Variants in BMPR1B observed in about 807,000 individuals in gnomAD.
BMPR1B encodes bone morphogenetic protein receptor type 1B.
BMPR1B carries 12 observed loss-of-function variants against 59.1 expected under a neutral mutation model. The ratio of observed to expected loss-of-function variants is 0.20; its 90% CI spans 0.13 to 0.33. BMPR1B has a LOEUF of 0.33. BMPR1B is among the 10% of genes least tolerant of loss of function. The probability of loss-of-function intolerance (pLI) is 1.00; values close to 1 mark genes in which losing one functional copy is unlikely to be tolerated. For missense variants in BMPR1B, 550 were observed against 610.9 expected (o/e 0.90, Z 1.05); for synonymous variants, 237 against 207.3 (o/e 1.14, Z -1.23).
intron 1 of BMPR1B, among the ~76,000 whole-genome samples, chr4:94,875,174 T>C (rs1318131765): frequency 1.3e-5 from 2 of 152,178 alleles, no homozygotes; most frequent in African/African-American, 2.4e-5. Context: ...TTTTCTCTTA[T>C]TCACAAGCTA....
chr4:95,067,522 T>C (rs1268559477), intron 3 of BMPR1B, among the ~76,000 whole-genome samples: 1 of 152,058 alleles, frequency 6.6e-6, no homozygotes, highest in Non-Finnish European at 1.5e-5. Context: ...AAAATGAAAA[T>C]GGAATGAAGC....
At chr4:94,854,962 A>G (rs1036973223) in intron 1 of BMPR1B, among the ~76,000 whole-genome samples, 7 of 152,198 alleles carry the variant, frequency 4.6e-5, no homozygotes, top group South Asian at 2.1e-4. Context: ...AATATAATCA[A>G]TAAGGACAAA....
chr4:94,815,578 T>G (rs1723982423), intron 1 of BMPR1B, among the ~76,000 whole-genome samples: 1 of 152,200 alleles, frequency 6.6e-6, no homozygotes. Context: ...TTTTTTATTT[T>G]GCTAATTTGA....
chr4:94,775,887 C>G lies in BMPR1B; in HGVS notation c.-183+17819C>G, dbSNP rs182454216. ...CGGGCAGATCGTGAGGACAGGAGAT[C>G]GAGAGCGTCCTGGCTAACACGGTGA... is the stretch of plus-strand genomic sequence containing the variant. On this transcript the variant is annotated intron_variant, in intron 1 of 12. Coordinates refer to ENST00000515059, the MANE Select transcript of BMPR1B (RefSeq NM_001203.3). Among the ~76,000 whole-genome samples the G allele has an allele frequency of 1.7e-3, 255 of 152,200 alleles. 1 individual carries two copies. The highest frequency in any genetic ancestry group is 5.9e-3 in the African/African-American group (244 of 41,544).
intron 2 of BMPR1B, among the ~76,000 whole-genome samples, chr4:94,983,109 G>A (rs1427853979): frequency 1.3e-5 from 2 of 151,966 alleles, no homozygotes; most frequent in East Asian, 1.9e-4. Flanking sequence ...AGGTCTTTAC[G>A]TGGCTGGCTC....
intron 1 of BMPR1B, among the ~76,000 whole-genome samples, chr4:94,858,217 T>A (rs1035045840): frequency 2.6e-5 from 4 of 152,192 alleles, no homozygotes; most frequent in Non-Finnish European, 4.4e-5. Context: ...CCCAAAATGC[T>A]GGGATTACAG....
intron 3 of BMPR1B, among the ~76,000 whole-genome samples, chr4:95,018,902 A>G (rs934442832): frequency 2.6e-5 from 4 of 152,110 alleles, no homozygotes; most frequent in Non-Finnish European, 5.9e-5. Flanking sequence ...ACTTCATACT[A>G]ATTAATGGGA....
At chr4:94,887,715 A>C (rs1185597529) in intron 2 of BMPR1B, among the ~76,000 whole-genome samples, 1 of 152,060 alleles carries the variant, frequency 6.6e-6, no homozygotes, top group Admixed American at 6.6e-5. Flanking sequence ...TACAAATGAC[A>C]CGAAGCAAAA....
chr4:94,965,615 G>A (rs2149070878), intron 2 of BMPR1B, among the ~76,000 whole-genome samples: 1 of 152,282 alleles, frequency 6.6e-6, no homozygotes, highest in Non-Finnish European at 1.5e-5. Flanking sequence ...CATTGAAAGA[G>A]ATTGGAGAAA....
At chr4:95,142,932 AT>A (rs1246820143) in intron 10 of BMPR1B, among the ~76,000 whole-genome samples, 1 of 151,872 alleles carries the variant, frequency 6.6e-6, no homozygotes, top group Non-Finnish European at 1.5e-5. Context: ...GAGATACTAT[AT>A]TTTTAAAAAA....
At position 95,155,162 on chromosome 4, in the gene BMPR1B, G is replaced by A; in HGVS notation, c.*489G>A. The A allele has an allele frequency of 5.7e-6, 1 of 174,078 alleles. No individual in the cohort carries two copies. Among genetic ancestry groups the A allele is most frequent in the Non-Finnish European group, 1.2e-5 (1 of 80,990 alleles). 10.8% of individuals were successfully genotyped at this position (174,078 alleles called of 1,614,324 possible). The stretch of plus-strand genomic sequence containing the variant: ...GAACCAAAAGACAGTCTAAGTTGGA[G>A]GACATAGAACGGAACTCATCTTAAA... On this transcript the variant is annotated 3_prime_UTR_variant, in exon 13 of 13. Coordinates refer to ENST00000515059, the MANE Select transcript of BMPR1B (RefSeq NM_001203.3).
chr4:94,896,248 A>G (rs944352227), intron 2 of BMPR1B, among the ~76,000 whole-genome samples: 2 of 152,016 alleles, frequency 1.3e-5, no homozygotes, highest in Non-Finnish European at 2.9e-5. Flanking sequence ...TTAGTCATAT[A>G]TAAGTCTGTG....
intron 3 of BMPR1B, among the ~76,000 whole-genome samples, chr4:95,080,879 C>A (rs1454393243): frequency 6.6e-6 from 1 of 152,062 alleles, no homozygotes. Flanking sequence ...TTCTGTGTGA[C>A]AAAATGTAAA....
intron 8 of BMPR1B, among the ~76,000 whole-genome samples, chr4:95,125,908 C>T (rs980458271): frequency 8.5e-5 from 13 of 152,298 alleles, no homozygotes; most frequent in South Asian, 2.1e-4. Flanking sequence ...GCCTTCCTGA[C>T]GTCTCCTCCC....
chr4:94,827,912 A>G (rs1039424575), intron 1 of BMPR1B, among the ~76,000 whole-genome samples: 9 of 152,188 alleles, frequency 5.9e-5, no homozygotes, highest in African/African-American at 1.4e-4. Context: ...ACCTAGTTCC[A>G]TAATTGGTGA....
intron 11 of BMPR1B, among the ~76,000 whole-genome samples, chr4:95,151,551 G>A (rs552891055): frequency 2.6e-5 from 4 of 152,304 alleles, no homozygotes; most frequent in African/African-American, 9.6e-5. Flanking sequence ...TAGCTCTGTG[G>A]TCACAGCAGG....
intron 2 of BMPR1B, among the ~76,000 whole-genome samples, chr4:94,906,555 T>G (rs932569259): frequency 3.9e-5 from 6 of 152,028 alleles, no homozygotes; most frequent in African/African-American, 1.4e-4. Context: ...GCTTAAAACC[T>G]AGATGATGGG....
intron 2 of BMPR1B, among the ~76,000 whole-genome samples, chr4:94,898,818 C>T (rs1727688482): frequency 6.6e-6 from 1 of 152,062 alleles, no homozygotes; most frequent in Admixed American, 6.6e-5. Context: ...GTGGGTCCCT[C>T]TCTCTCAAAT....
chr4:94,817,739 G>T (rs1048652482), intron 1 of BMPR1B, among the ~76,000 whole-genome samples: 1 of 152,130 alleles, frequency 6.6e-6, no homozygotes, highest in Non-Finnish European at 1.5e-5. Context: ...TCAGGGTCAG[G>T]GTGTGGGAAG....
Sources: allele counts gnomAD v4.1 joint callset (sites outside exome capture counted in the v4.1 genomes callset), GRCh38; gene constraint gnomAD v4.1.1; transcripts MANE v1.5; gene names NCBI Gene and HGNC (gene_info 2026-07-23, HGNC 2026-07-21).